LPCAT3: variants seen among roughly 807,000 people sequenced by gnomAD.
LPCAT3 encodes lysophospholipid acyltransferase 5.
Under a neutral mutation model 63.4 loss-of-function variants are expected in LPCAT3, and 21 were observed. The observed-to-expected ratio is 0.33, with a 90% confidence interval of 0.23 to 0.48. LPCAT3 has a LOEUF of 0.48. LPCAT3 is among the 20% of genes least tolerant of loss of function. The probability of loss-of-function intolerance (pLI) is 0.99; values close to 1 mark genes in which losing one functional copy is unlikely to be tolerated. For missense variants in LPCAT3, 451 were observed against 590.6 expected, an observed-to-expected ratio of 0.76 and a Z score of 2.45; for synonymous variants, 242 against 227.5, an observed-to-expected ratio of 1.06 and a Z score of -0.58.
Position 6,977,358 on chromosome 12 carries a change from T to A in LPCAT3, c.1347+9A>T. 1 of 1,614,150 alleles carries A rather than the reference T, an allele frequency of 6.2e-7. No individual in the cohort carries two copies. Among genetic ancestry groups the A allele is most frequent in the Non-Finnish European group, 8.5e-7 (1 of 1,179,992 alleles). ...TCCCTCCCAGTCTCACAAGCAGGCC[T>A]TCACTTGCCTTAAGCCATTTGTCCC... On this transcript the variant is annotated intron_variant, in intron 11 of 12. Coordinates refer to ENST00000261407, the MANE Select transcript of LPCAT3 (RefSeq NM_005768.6). The surrounding 1 kb of genome is among the most constrained non-coding windows in gnomAD (Gnocchi z 4.5).
rs782394312 is a variant in LPCAT3 at position 7,018,451 on chromosome 12, C to G, written c.-27G>C. 5.8e-6 allele frequency: 9 copies of G among 1,551,686 alleles called. No individual in the cohort carries two copies. The South Asian group carries it at 1.1e-4, about 18-fold the overall frequency. Reference sequence around the variant, plus strand: ...TTAACTCCGGGAGCCCCACAGGGACCCCCCAGCTCCGCGCGCCCCGAATGC... The same window carrying G: ...TTAACTCCGGGAGCCCCACAGGGACGCCCCAGCTCCGCGCGCCCCGAATGC... On this transcript the variant is annotated 5_prime_UTR_variant, in exon 1 of 13. Coordinates refer to ENST00000261407, the MANE Select transcript of LPCAT3 (RefSeq NM_005768.6). The surrounding 1 kb of genome is among the most constrained non-coding windows in gnomAD (Gnocchi z 4.9).
At chr12:7,007,532 T>TC (rs1416097469) in intron 1 of LPCAT3, among the ~76,000 whole-genome samples, 1 of 144,380 alleles carries the variant, frequency 6.9e-6, no homozygotes, top group African/African-American at 2.6e-5. Flanking sequence ...TCTCACTCTG[T>TC]CCCCCAGGCT....
intron 7 of LPCAT3, 42 bp from the exon 8 acceptor site, chr12:6,978,731 C>T (rs1467655095): frequency 8.1e-6 from 13 of 1,608,104 alleles, no homozygotes; most frequent in African/African-American, 4.0e-5. Flanking sequence ...TATCACATGA[C>T]TAGGCAGTTT....
chr12:7,011,905 T>C (rs1555157265), intron 1 of LPCAT3, among the ~76,000 whole-genome samples: 1 of 152,218 alleles, frequency 6.6e-6, no homozygotes. Context: ...TTAATTTTCA[T>C]CTAGCTTACC....
chr12:7,003,315 C>A (rs959467266), intron 1 of LPCAT3, among the ~76,000 whole-genome samples: 3 of 150,584 alleles, frequency 2.0e-5, no homozygotes, highest in Admixed American at 1.3e-4. Context: ...AAAAGCTCTT[C>A]CTTTTCTCTG....
chr12:6,976,948 A>G (rs1946410481), intron 12 of LPCAT3, 57 bp from the exon 13 acceptor site: 2 of 566,462 alleles, frequency 3.5e-6, no homozygotes, highest in Non-Finnish European at 6.4e-6. Context: ...TTCCTGGTCT[A>G]TAGCCCTTCC....
chr12:6,990,179 C>A (rs1946574094), intron 1 of LPCAT3, among the ~76,000 whole-genome samples: 1 of 136,632 alleles, frequency 7.3e-6, no homozygotes, highest in East Asian at 2.2e-4. Context: ...TTTTTTGAGA[C>A]CCTGTCTCAA....
intron 1 of LPCAT3, among the ~76,000 whole-genome samples, chr12:6,991,354 A>C (rs781867448): frequency 6.6e-6 from 1 of 152,228 alleles, no homozygotes; most frequent in Non-Finnish European, 1.5e-5. Flanking sequence ...AATAAAACCC[A>C]TTGGCTTCTC....
At chr12:6,999,556 G>A (rs782784408) in intron 1 of LPCAT3, among the ~76,000 whole-genome samples, 1 of 152,336 alleles carries the variant, frequency 6.6e-6, no homozygotes, top group South Asian at 2.1e-4. Flanking sequence ...GAGGTGTAGT[G>A]CTAGTGATTA....
At chr12:6,980,053 T>C (rs1453640356) in intron 6 of LPCAT3, 1 of 151,544 alleles carries the variant, frequency 6.6e-6, no homozygotes, top group Non-Finnish European at 1.4e-5. Context: ...ACCATTTTAA[T>C]TTTTATTTTC....
intron 1 of LPCAT3, among the ~76,000 whole-genome samples, chr12:7,009,707 T>C (rs1555157079): frequency 6.6e-6 from 1 of 152,232 alleles, no homozygotes; most frequent in African/African-American, 2.4e-5. Context: ...TTACATAGTT[T>C]ATCTTATTTA....
chr12:7,004,234 T>G (rs1313708359), intron 1 of LPCAT3, among the ~76,000 whole-genome samples: 1 of 152,200 alleles, frequency 6.6e-6, no homozygotes, highest in African/African-American at 2.4e-5. Flanking sequence ...TTTAACACTT[T>G]AGGACTGTTA....
chr12:6,983,450 T>C lies in LPCAT3; in HGVS notation c.241A>G (p.Ile81Val). 1.2e-6 allele frequency: 2 copies of C among 1,606,014 alleles called. No individual in the cohort carries two copies. The change falls in exon 2 of 13, where the codon ATT becomes GTT. Residue 81 changes from isoleucine (I) to valine (V), a missense_variant. By Grantham distance (29) the Ile-to-Val change is conservative. Around this residue, in one of 3 missense-constraint regions of LPCAT3, gnomAD observed 133 missense variants for 152.1 expected, o/e 0.87. Transcript: ENST00000261407. ...TACTCACCAAAGTTAAAATAAGCAA[T>C]TGAGAGGCCTGTAAAGGTATGGAAG... The part of the protein sequence containing the change: ...HLFHTFTGLS[I>V]AYFNFGNQLY...
At chr12:7,005,262 A>G (rs1663193128) in intron 1 of LPCAT3, among the ~76,000 whole-genome samples, 1 of 152,206 alleles carries the variant, frequency 6.6e-6, no homozygotes, top group South Asian at 2.1e-4. Flanking sequence ...GCAGCATGTG[A>G]TCAGGATTTC....
In LPCAT3 at chr12:6,980,347, T is replaced by C. The variant is rs782619899; in HGVS notation, c.677+657A>G. ...CATGAGCCACTGTGCCCTCCTGCAT[T>C]TCCTACTGATAAATATTTTTGAGAC... is the stretch of plus-strand genomic sequence containing the variant. On this transcript the variant is annotated intron_variant, in intron 6 of 12. Coordinates refer to ENST00000261407, the MANE Select transcript of LPCAT3 (RefSeq NM_005768.6). Among the ~76,000 whole-genome samples the C allele has an allele frequency of 8.6e-5, 13 of 151,940 alleles. No homozygotes were observed. In the South Asian group the frequency reaches 2.5e-3, roughly 29 times the overall value.
intron 2 of LPCAT3, chr12:6,983,107 G>T: frequency 2.0e-6 from 1 of 506,422 alleles, no homozygotes; most frequent in South Asian, 1.7e-5. Context: ...CTGTATTTTT[G>T]AATGTCTGAA....
chr12:6,978,826 G>T, intron 7 of LPCAT3, 137 bp from the exon 8 acceptor site: 1 of 1,248,634 alleles, frequency 8.0e-7, no homozygotes, highest in Non-Finnish European at 1.1e-6. Context: ...CAATAGTCTG[G>T]CCTGATTGCC....
chr12:6,992,348 T>A (rs1359044561), intron 1 of LPCAT3, among the ~76,000 whole-genome samples: 2 of 151,882 alleles, frequency 1.3e-5, no homozygotes, highest in African/African-American at 2.4e-5. Context: ...AAAAAAAATT[T>A]ACCACTTCAT....
chr12:6,993,807 T>C (rs1456594957), intron 1 of LPCAT3, among the ~76,000 whole-genome samples: 3 of 152,216 alleles, frequency 2.0e-5, no homozygotes, highest in Non-Finnish European at 4.4e-5. Flanking sequence ...AGACAAGGTC[T>C]CACTATGTTG....
Sources: gnomAD v4.1 joint callset for allele counts (sites outside exome capture counted in the v4.1 genomes callset) on GRCh38, gnomAD v4.1.1 for gene constraint, gnomAD v4.1.1 regional missense constraint, Gnocchi (gnomAD v3.1) non-coding constraint, MANE v1.5 for transcripts, NCBI Gene and HGNC (gene_info 2026-07-23, HGNC 2026-07-21) for gene names.